USH2A: variants seen among roughly 807,000 people sequenced by gnomAD.
The protein encoded by USH2A is usherin, also known as Usher syndrome 2A (autosomal recessive, mild).
In USH2A, 443 loss-of-function variants were observed where a neutral mutation model predicts 538.9. That is an observed-to-expected ratio of 0.82 (90% CI 0.76 to 0.89). The LOEUF is 0.89. USH2A is among the 40% of genes least tolerant of loss of function. The pLI is 0.00. For synonymous variants in USH2A, 2,413 were observed against 2,273.5 expected (o/e 1.06, Z -1.75); for missense variants, 6,633 against 6,324.8 (o/e 1.05, Z -1.65).
Position 216,247,180 on chromosome 1 carries a change from G to A in USH2A, c.2214C>T (p.Ser738=), listed in dbSNP as rs753941084. The A allele has an allele frequency of 4.3e-6, 7 of 1,614,000 alleles. No homozygotes were observed. Among genetic ancestry groups the A allele is most frequent in the Non-Finnish European group, 5.9e-6 (7 of 1,179,936 alleles). ...HCNFGFKFLR[S]FNDVGCEPCQ... is the part of the protein sequence containing the mutation. ...AGGGCTCACATCCAACATCATTAAA[G>A]CTTCGGAGAAATTTAAATCCAAAAT... The change falls in exon 13 of 72, where the codon AGC becomes AGT. Residue 738 remains serine (S), a synonymous_variant. Transcript: ENST00000307340.
At chr1:216,005,738 A>G (rs1439119664) in intron 32 of USH2A, among the ~76,000 whole-genome samples, 1 of 152,216 alleles carries the variant, frequency 6.6e-6, no homozygotes. Context: ...ATGCCAAAAC[A>G]TAATTTTAAA....
intron 22 of USH2A, among the ~76,000 whole-genome samples, chr1:216,094,791 C>T (rs890870527): frequency 5.3e-5 from 8 of 152,006 alleles, no homozygotes; most frequent in African/African-American, 1.9e-4. Flanking sequence ...CTTTGGAGCT[C>T]AATTGCTTGT....
In USH2A at chr1:215,628,942, G is replaced by C. The variant is rs1192363193; in HGVS notation, c.15391C>G (p.Gln5131Glu). The C allele has an allele frequency of 6.2e-7, 1 of 1,614,030 alleles. No individual in the cohort carries two copies. The highest frequency in any genetic ancestry group is 1.3e-5 in the African/African-American group (1 of 74,918). Residue 5131 changes from glutamine to glutamate, a missense_variant, in exon 71 of 72, where the codon CAA (glutamine) becomes GAA (glutamate). Transcript: ENST00000307340. The part of the protein sequence containing the change: ...ACVLRIPSQN[Q>E]TSLTYSQGSL... ...CCCTGGGAGTAGGTTAGGCTGGTTT[G>C]GTTTTGACTCGGGATGCGCAGGACA...
intron 2 of USH2A, among the ~76,000 whole-genome samples, chr1:216,421,080 T>C (rs7414111): frequency 6.6e-6 from 1 of 152,048 alleles, no homozygotes; most frequent in East Asian, 1.9e-4. Context: ...AGGTTGGCAA[T>C]AAATATTTAG....
chr1:216,074,937 T>C (rs1280737233), intron 27 of USH2A, among the ~76,000 whole-genome samples: 1 of 152,154 alleles, frequency 6.6e-6, no homozygotes, highest in Non-Finnish European at 1.5e-5. Context: ...GGTGGTGATA[T>C]CTGCAAAACA....
intron 52 of USH2A, among the ~76,000 whole-genome samples, chr1:215,784,144 C>A (rs1194851501): frequency 6.6e-6 from 1 of 152,124 alleles, no homozygotes; most frequent in Non-Finnish European, 1.5e-5. Context: ...TCAGAGGCCT[C>A]CTGCTTAGAA....
chr1:215,910,044 A>T (rs1571803756), intron 38 of USH2A, among the ~76,000 whole-genome samples: 1 of 152,010 alleles, frequency 6.6e-6, no homozygotes, highest in Admixed American at 6.6e-5. Context: ...CAGTCTATAG[A>T]TAGCACTGAA....
intron 4 of USH2A, among the ~76,000 whole-genome samples, chr1:216,334,528 A>T (rs1265461684): frequency 6.6e-6 from 1 of 152,070 alleles, no homozygotes; most frequent in East Asian, 1.9e-4. Flanking sequence ...AAAAGTAGAT[A>T]TTTACAAAAT....
At chr1:215,826,076 G>A (rs1663143978) in intron 47 of USH2A, among the ~76,000 whole-genome samples, 1 of 152,158 alleles carries the variant, frequency 6.6e-6, no homozygotes, top group Non-Finnish European at 1.5e-5. Flanking sequence ...GAGCAGTTCT[G>A]CAATGAAAGG....
At chr1:215,698,838 T>C (rs1282978596) in intron 61 of USH2A, among the ~76,000 whole-genome samples, 1 of 152,332 alleles carries the variant, frequency 6.6e-6, no homozygotes, top group East Asian at 1.9e-4. Context: ...TCAGATCCCA[T>C]TTGTCAATAT....
At chr1:216,077,983 G>T in intron 27 of USH2A, 106 bp downstream of exon 27, 1 of 1,369,856 alleles carries the variant, frequency 7.3e-7, no homozygotes, top group Non-Finnish European at 1.0e-6. Context: ...GCTGTTGGGT[G>T]CTGCTTTTAG....
At chr1:215,899,852 T>A (rs995358261) in intron 40 of USH2A, among the ~76,000 whole-genome samples, 3 of 152,130 alleles carry the variant, frequency 2.0e-5, no homozygotes, top group Admixed American at 6.5e-5. Context: ...GTGAATTACT[T>A]TGTCCTGTCT....
chr1:216,275,612 A>C (rs1010503375), intron 11 of USH2A, among the ~76,000 whole-genome samples: 2 of 152,116 alleles, frequency 1.3e-5, no homozygotes, highest in African/African-American at 4.8e-5. Context: ...CTGAGATGAC[A>C]AGGAAAACAA....
At chr1:215,867,828 T>C (rs994136410) in intron 43 of USH2A, among the ~76,000 whole-genome samples, 5 of 152,200 alleles carry the variant, frequency 3.3e-5, no homozygotes, top group African/African-American at 1.2e-4. Context: ...AAAACTGACA[T>C]GCTGATGTGA....
At chr1:215,933,412 C>T (rs1299133150) in intron 38 of USH2A, among the ~76,000 whole-genome samples, 1 of 151,932 alleles carries the variant, frequency 6.6e-6, no homozygotes, top group Non-Finnish European at 1.5e-5. Flanking sequence ...AAATATGATA[C>T]TAACCTGAGT....
At chr1:215,945,024 G>A (rs146099734) in intron 37 of USH2A, among the ~76,000 whole-genome samples, 1 of 152,212 alleles carries the variant, frequency 6.6e-6, no homozygotes, top group African/African-American at 2.4e-5. Context: ...ATGAATTACG[G>A]AAAGGTTTAA....
intron 3 of USH2A, among the ~76,000 whole-genome samples, chr1:216,388,570 C>T (rs1286710951): frequency 6.6e-6 from 1 of 152,180 alleles, no homozygotes; most frequent in East Asian, 1.9e-4. Context: ...GTTGTGAACA[C>T]AGTGAACAAG....
intron 66 of USH2A, 78 bp downstream of exon 66, chr1:215,648,450 A>G: frequency 6.9e-7 from 1 of 1,454,690 alleles, no homozygotes; most frequent in Non-Finnish European, 9.7e-7. Flanking sequence ...GCCTAGGTGC[A>G]GAGTAGGCTA....
intron 21 of USH2A, among the ~76,000 whole-genome samples, chr1:216,099,028 G>A (rs77457610): frequency 0.021 from 3,209 of 152,226 alleles, 92 homozygotes; most frequent in African/African-American, 0.069. Context: ...GAAAAAGAAT[G>A]CTGTGTTCTA....
Sources: allele counts gnomAD v4.1 joint callset (sites outside exome capture counted in the v4.1 genomes callset), GRCh38; gene constraint gnomAD v4.1.1; transcripts MANE v1.5; gene names NCBI Gene and HGNC (gene_info 2026-07-23, HGNC 2026-07-21).